The following COL13A1 variants were observed in gnomAD, a reference collection of about 807,000 sequenced individuals.
COL13A1 encodes collagen type XIII alpha 1 chain.
Under a neutral mutation model 130.9 loss-of-function variants are expected in COL13A1, and 89 were observed. That is an observed-to-expected ratio of 0.68 (90% confidence interval 0.57 to 0.81). The LOEUF (loss-of-function observed/expected upper bound fraction) is 0.81, where lower values mean the gene tolerates loss of function less well. COL13A1 is among the 30% of genes least tolerant of loss of function. The pLI is 0.00. For missense variants in COL13A1, 879 were observed against 934.6 expected (o/e 0.94, Z 0.78); for synonymous variants, 402 against 341.6 (o/e 1.18, Z -1.95).
intron 5 of COL13A1, 84 bp from the exon 6 acceptor site, chr10:69,877,955 G>A (rs1274175840): frequency 4.3e-5 from 30 of 689,860 alleles, no homozygotes; most frequent in South Asian, 1.0e-4. Context: ...ATGGATTCTC[G>A]TGTGGGTGCC....
chr10:69,867,748 G>A (rs779789322), intron 2 of COL13A1, 50 bp from the exon 3 acceptor site: 48 of 716,456 alleles, frequency 6.7e-5, no homozygotes, highest in African/African-American at 6.1e-4. Flanking sequence ...CCTCCCCACC[G>A]CCCCCTACAG....
In COL13A1 at chr10:69,894,554, T is replaced by C; in HGVS notation, c.606T>C (p.Gly202=). Reference sequence around the variant, plus strand: ...CTGTGTGTGTTTGCTTCCCACAGGGTCTGACGGGTCCCCCAGGACAGCCGG... The same window carrying C: ...CTGTGTGTGTTTGCTTCCCACAGGGCCTGACGGGTCCCCCAGGACAGCCGG... ...PGHPGPKGDM[G]LTGPPGQPGP... Residue 202 remains glycine, a splice_region_variant and synonymous_variant, in exon 11 of 41, where the codon GGT becomes GGC. Coordinates refer to ENST00000645393, the MANE Select transcript of COL13A1 (RefSeq NM_001368882.1). 2 of 1,613,986 alleles carry C rather than the reference T, an allele frequency of 1.2e-6. 1 individual carries two copies. Among genetic ancestry groups the C allele is most frequent in the South Asian group, 2.2e-5 (2 of 91,078 alleles).
chr10:69,893,463 C>T (rs1195176162), intron 10 of COL13A1, among the ~76,000 whole-genome samples: 2 of 152,208 alleles, frequency 1.3e-5, no homozygotes, highest in African/African-American at 4.8e-5. Flanking sequence ...TGGGAGTTTC[C>T]CAGTTTGGAG....
At chr10:69,852,913 A>C (rs964806115) in intron 2 of COL13A1, among the ~76,000 whole-genome samples, 15 of 152,110 alleles carry the variant, frequency 9.9e-5, no homozygotes, top group African/African-American at 3.6e-4. Context: ...AAGGGACCAG[A>C]GCTATGGAGA....
At chr10:69,839,550 A>C (rs1851023662) in intron 2 of COL13A1, among the ~76,000 whole-genome samples, 1 of 152,226 alleles carries the variant, frequency 6.6e-6, no homozygotes, top group Admixed American at 6.5e-5. Context: ...AGGGGAGCCC[A>C]CCACGCAGAG....
At chr10:69,839,859 G>A (rs183428439) in intron 2 of COL13A1, among the ~76,000 whole-genome samples, 1 of 152,292 alleles carries the variant, frequency 6.6e-6, no homozygotes, top group Non-Finnish European at 1.5e-5. Flanking sequence ...TCTGGCCTGT[G>A]GTATTTGTAC....
chr10:69,957,410 C>T (rs149440132), intron 40 of COL13A1, among the ~76,000 whole-genome samples: 112 of 152,294 alleles, frequency 7.4e-4, no homozygotes, highest in African/African-American at 2.5e-3. Flanking sequence ...ATGTCTTAGA[C>T]GTAGGACATC....
chr10:69,816,073 T>C (rs1218432901), intron 1 of COL13A1, among the ~76,000 whole-genome samples: 3 of 151,414 alleles, frequency 2.0e-5, no homozygotes, highest in Admixed American at 2.0e-4. Flanking sequence ...CCAGCATGTA[T>C]GAGAGCTTCA....
intron 3 of COL13A1, among the ~76,000 whole-genome samples, chr10:69,868,470 C>T (rs1028244503): frequency 3.9e-5 from 6 of 152,148 alleles, no homozygotes; most frequent in African/African-American, 1.4e-4. Flanking sequence ...TGAGAAGAGC[C>T]CAAGGAGACT....
intron 5 of COL13A1, chr10:69,877,695 TCTCTCACACACACACACACA>T (rs1326730384): frequency 7.1e-5 from 8 of 112,200 alleles, no homozygotes; most frequent in South Asian, 5.8e-4. Flanking sequence ...TCTCTCTCTC[TCTCTCACACACACACACACA>T]CACACACACA....
chr10:69,887,459 CAACCAGGA>C lies in COL13A1; in HGVS notation c.519_526del (p.Gln173HisfsTer2). ...TCTCTTGTTTTTTTTTTTTCAGGGT[CAACCAGGA>C]ACTAGAGGTTTCCCTGGATTTCCGG... On this transcript the variant is annotated frameshift_variant, in exon 8 of 41. Coordinates refer to ENST00000645393, the MANE Select transcript of COL13A1 (RefSeq NM_001368882.1). LOFTEE classifies it high-confidence loss of function. 1 of 1,612,084 alleles carries C rather than the reference CAACCAGGA, an allele frequency of 6.2e-7. No homozygotes were observed. The highest frequency in any genetic ancestry group is 8.5e-7 in the Non-Finnish European group (1 of 1,179,276).
intron 30 of COL13A1, among the ~76,000 whole-genome samples, chr10:69,931,505 G>A (rs1023644944): frequency 2.0e-5 from 3 of 152,154 alleles, no homozygotes; most frequent in Non-Finnish European, 2.9e-5. Flanking sequence ...AACCTAGTTC[G>A]ACGGTGCTAG....
At chr10:69,957,970 T>A (rs1056511459) in intron 40 of COL13A1, among the ~76,000 whole-genome samples, 42 of 152,126 alleles carry the variant, frequency 2.8e-4, no homozygotes, top group African/African-American at 9.7e-4. Flanking sequence ...TACAATGAGA[T>A]GAACAAGCTC....
chr10:69,877,338 T>C, intron 5 of COL13A1: 1 of 152,954 alleles, frequency 6.5e-6, no homozygotes, highest in Non-Finnish European at 1.5e-5. Flanking sequence ...TGACCTGTGC[T>C]CCGTTCTTCC....
chr10:69,907,814 A>C lies in COL13A1; in HGVS notation c.921+1992A>C, dbSNP rs184144037. Among the ~76,000 whole-genome samples the C allele has an allele frequency of 6.5e-4, 99 of 152,332 alleles. 1 individual carries two copies. The highest frequency in any genetic ancestry group is 2.3e-3 in the African/African-American group (96 of 41,578). On this transcript the variant is annotated intron_variant, in intron 17 of 40. Coordinates refer to ENST00000645393, the MANE Select transcript of COL13A1 (RefSeq NM_001368882.1). ...CTTACAATAACTAATTCACTCCCAC[A>C]ATAACTAACCCGTGATAACTATCCC...
At position 69,929,739 on chromosome 10, in the gene COL13A1, G is replaced by A. The variant is rs143959329; in HGVS notation, c.1486-304G>A. ...TGCAAGGGAGCCAAGGGCGCCTAGG[G>A]CTCCCAGAGGCAGCAGTGGGAGGTT... On this transcript the variant is annotated intron_variant, in intron 28 of 40. Transcript: ENST00000645393. Among the ~76,000 whole-genome samples the A allele has an allele frequency of 1.1e-3, 163 of 152,276 alleles. 2 individuals carry two copies. The East Asian group carries it at 0.017, about 16-fold the overall frequency.
chr10:69,936,730 T>G lies in COL13A1; in HGVS notation c.1771-26T>G, dbSNP rs780303583. 15 of 1,613,680 alleles carry G rather than the reference T, an allele frequency of 9.3e-6. No homozygotes were observed. In the South Asian group the frequency reaches 1.6e-4, roughly 18 times the overall value. On this transcript the variant is annotated intron_variant, in intron 32 of 40. Coordinates refer to ENST00000645393, the MANE Select transcript of COL13A1 (RefSeq NM_001368882.1). ...GTGTTAACTAGAGATGCAGTTCTAATGCACCTTGCTTTATTCCAAATGCAG... is the reference window on the plus strand; with the variant it reads ...GTGTTAACTAGAGATGCAGTTCTAAGGCACCTTGCTTTATTCCAAATGCAG...
Position 69,957,045 on chromosome 10 carries a change from A to G in COL13A1, c.2184+3A>G, listed in dbSNP as rs1278928628. 2 of 1,612,986 alleles carry G rather than the reference A, an allele frequency of 1.2e-6. No individual in the cohort carries two copies. Among genetic ancestry groups the G allele is most frequent in the Admixed American group, 3.3e-5 (2 of 59,996 alleles). On this transcript the variant is annotated splice_donor_region_variant and intron_variant, in intron 40 of 40. Coordinates refer to ENST00000645393, the MANE Select transcript of COL13A1 (RefSeq NM_001368882.1). ...CAGTCCAAGGCTGCTGGAACAAGGT[A>G]AGGCTTCCCATTGGTGTGCACTGGG...
At chr10:69,844,963 A>G (rs1460514745) in intron 2 of COL13A1, among the ~76,000 whole-genome samples, 1 of 152,132 alleles carries the variant, frequency 6.6e-6, no homozygotes, top group Non-Finnish European at 1.5e-5. Flanking sequence ...TTTCCTAAGG[A>G]TCTTGAGAGA....
Sources: allele counts gnomAD v4.1 joint callset (sites outside exome capture counted in the v4.1 genomes callset), GRCh38; gene constraint gnomAD v4.1.1; transcripts MANE v1.5; gene names NCBI Gene and HGNC (gene_info 2026-07-23, HGNC 2026-07-21).